GGT1: variants seen among roughly 807,000 people sequenced by gnomAD.
GGT1 encodes the protein gamma-glutamyltransferase 1, also known as glutathione hydrolase 1 proenzyme.
Under a neutral mutation model 56.0 loss-of-function variants are expected in GGT1, and 21 were observed. The ratio of observed to expected loss-of-function variants is 0.38; its 90% CI spans 0.27 to 0.54. The LOEUF (loss-of-function observed/expected upper bound fraction) is 0.54, where lower values mean the gene tolerates loss of function less well. Among genes scored for constraint, GGT1 ranks in the 20% least tolerant of loss-of-function variants. The pLI is 0.82. For missense variants in GGT1, 466 were observed against 787.0 expected (o/e 0.59, Z 4.88); for synonymous variants, 238 against 342.6 (o/e 0.69, Z 3.37).
chr22:24,598,994 T>C (rs2045739785), upstream of GGT1, among the ~76,000 whole-genome samples: 1 of 152,212 alleles, frequency 6.6e-6, no homozygotes, highest in Non-Finnish European at 1.5e-5. Context: ...CTTGAACTCC[T>C]AGTCTCAAGT....
In GGT1 at chr22:24,620,815, C is replaced by T; in HGVS notation, c.576-98C>T. 1 of 1,524,898 alleles carries T rather than the reference C, an allele frequency of 6.6e-7. No homozygotes were observed. The highest frequency in any genetic ancestry group is 8.8e-7 in the Non-Finnish European group (1 of 1,132,002). The allele number at this position is 1,524,898 out of a possible 1,614,324, so 94.5% of individuals were successfully genotyped here. On this transcript the variant is annotated intron_variant, in intron 8 of 15. Coordinates refer to ENST00000400382, the MANE Select transcript of GGT1 (RefSeq NM_001288833.2). This position sits in a 1 kb window ranked among gnomAD's most constrained non-coding sequence, Gnocchi z 5.6. ...GGCCACCCACCTGTGACAGGCGCTGCCCCTGTTCTGCTCCGTTCTCCTGTG... is the reference window on the plus strand; with the variant it reads ...GGCCACCCACCTGTGACAGGCGCTGTCCCTGTTCTGCTCCGTTCTCCTGTG...
chr22:24,615,067 G>C lies in GGT1; in HGVS notation c.322G>C (p.Glu108Gln). 6.2e-7 allele frequency: 1 copy of C among 1,612,208 alleles called. No individual in the cohort carries two copies. Among genetic ancestry groups the C allele is most frequent in the Non-Finnish European group, 8.5e-7 (1 of 1,179,756 alleles). ...TRKAEVINAR[E>Q]VAPRLAFATM... ...AAAAGCTGAGGTCATCAACGCCCGCGAGGTGGCCCCCAGGCTGGCCTTTGC... is the reference window on the plus strand; with the variant it reads ...AAAAGCTGAGGTCATCAACGCCCGCCAGGTGGCCCCCAGGCTGGCCTTTGC... Residue 108 changes from glutamate (E) to glutamine (Q), a missense_variant, in exon 7 of 16, where the codon GAG becomes CAG. Coordinates refer to ENST00000400382, the MANE Select transcript of GGT1 (RefSeq NM_001288833.2).
At chr22:24,585,093 G>T in the GGT1 span, among the ~76,000 whole-genome samples, 1 of 152,150 alleles carries the variant, frequency 6.6e-6, no homozygotes, top group East Asian at 1.9e-4. Context: ...TTTGTCTCTG[G>T]CTTGCTGTCT....
intron 1 of GGT1, among the ~76,000 whole-genome samples, chr22:24,605,330 ATATAATATGTATTATATAT>A (rs2046071779): frequency 3.4e-5 from 2 of 59,390 alleles, no homozygotes; most frequent in East Asian, 9.7e-4. Context: ...ATTATATATT[ATATAATATGTATTATATAT>A]TATATAATAT....
chr22:24,616,251 TAAAA>T, intron 7 of GGT1, among the ~76,000 whole-genome samples: 1 of 151,818 alleles, frequency 6.6e-6, no homozygotes, highest in South Asian at 2.1e-4. Context: ...CTTTCTCTAC[TAAAA>T]GTACAATAAT....
At chr22:24,598,747 CTCTCTA>C (rs2045735867), upstream of GGT1, among the ~76,000 whole-genome samples, 1 of 152,056 alleles carries the variant, frequency 6.6e-6, no homozygotes, top group Non-Finnish European at 1.5e-5. Flanking sequence ...GAGATGGGGT[CTCTCTA>C]TTTTGCCCAG....
chr22:24,613,724 T>A (rs1431871805), intron 5 of GGT1, among the ~76,000 whole-genome samples: 1 of 146,540 alleles, frequency 6.8e-6, no homozygotes, highest in Non-Finnish European at 1.5e-5. Context: ...CACTCCAGCC[T>A]GGGCAACTGA....
intron 7 of GGT1, among the ~76,000 whole-genome samples, chr22:24,617,846 C>T (rs1295573933): frequency 2.0e-5 from 3 of 151,718 alleles, no homozygotes; most frequent in Admixed American, 6.6e-5. Context: ...AAGCAGACCA[C>T]CAGGAGAGAG....
chr22:24,594,638 C>T (rs1005386551), upstream of GGT1, among the ~76,000 whole-genome samples: 4 of 152,116 alleles, frequency 2.6e-5, no homozygotes, highest in Non-Finnish European at 4.4e-5. Context: ...ACCCCCTTCT[C>T]CCCTGGCACC....
chr22:24,588,372 T>G, the GGT1 span: 21 of 1,488,280 alleles, frequency 1.4e-5, no homozygotes, highest in Non-Finnish European at 2.0e-5. Flanking sequence ...GAGCCCCTCC[T>G]GCCCACCTCA....
the GGT1 span, among the ~76,000 whole-genome samples, chr22:24,588,054 C>G: frequency 2.6e-5 from 4 of 152,126 alleles, no homozygotes; most frequent in African/African-American, 9.7e-5. Flanking sequence ...TCTGCTACCA[C>G]GGGCCAGGCT....
At chr22:24,623,342 G>A (rs540978054) in intron 10 of GGT1, 86 bp downstream of exon 10, 31 of 1,370,696 alleles carry the variant, frequency 2.3e-5, no homozygotes, top group Admixed American at 1.2e-4. Flanking sequence ...ATCTCTGCTC[G>A]CCCCCCATGC....
chr22:24,592,780 C>A (rs2045610615), upstream of GGT1: 3 of 1,274,668 alleles, frequency 2.4e-6, no homozygotes, highest in South Asian at 5.6e-5. Context: ...GGCCCACAAC[C>A]CATAGCCCCG....
At chr22:24,588,929 G>C in the GGT1 span, 1 of 1,003,782 alleles carries the variant, frequency 1.0e-6, no homozygotes, top group Non-Finnish European at 1.2e-6. Flanking sequence ...AATCCGAGGT[G>C]CGCGGCCCAC....
At chr22:24,597,242 C>T (rs1410690868) in intron 1 of GGT1, among the ~76,000 whole-genome samples, 1 of 152,132 alleles carries the variant, frequency 6.6e-6, no homozygotes, top group Non-Finnish European at 1.5e-5. Context: ...GTCAGCCTCC[C>T]AGTGTTGGGA....
intron 1 of GGT1, among the ~76,000 whole-genome samples, chr22:24,606,031 A>C (rs2046287815): frequency 2.0e-5 from 1 of 49,292 alleles, no homozygotes; most frequent in Non-Finnish European, 3.9e-5. Context: ...TATTTATATA[A>C]TTTATATAAT....
chr22:24,608,101 GT>G (rs2046435093), intron 2 of GGT1, 78 bp downstream of exon 2: 1 of 445,738 alleles, frequency 2.2e-6, no homozygotes, highest in Non-Finnish European at 4.6e-6. Context: ...TCTAGCCTCA[GT>G]TTCCCCTAGT....
At chr22:24,611,768 CA>C (rs1034445445) in intron 5 of GGT1, among the ~76,000 whole-genome samples, 1 of 138,826 alleles carries the variant, frequency 7.2e-6, no homozygotes, top group Non-Finnish European at 1.6e-5. Context: ...CCACGCCCAA[CA>C]AATTTGTGTG....
In GGT1 at chr22:24,615,025, C is replaced by A. The variant is rs755519106; in HGVS notation, c.296-16C>A. ...GGTTTGGGTGGGCGGGCCTGCCTACCTGCTTCTCCTTCTAGGAAAAGCTGA... is the reference window on the plus strand; with the variant it reads ...GGTTTGGGTGGGCGGGCCTGCCTACATGCTTCTCCTTCTAGGAAAAGCTGA... On this transcript the variant is annotated splice_polypyrimidine_tract_variant and intron_variant, in intron 6 of 15. Coordinates refer to ENST00000400382, the MANE Select transcript of GGT1 (RefSeq NM_001288833.2). 1 of 1,609,016 alleles carries A rather than the reference C, an allele frequency of 6.2e-7. No individual in the cohort carries two copies. Among genetic ancestry groups the A allele is most frequent in the Non-Finnish European group, 8.5e-7 (1 of 1,176,996 alleles).
Sources: gnomAD v4.1 joint callset for allele counts (sites outside exome capture counted in the v4.1 genomes callset) on GRCh38, gnomAD v4.1.1 for gene constraint, Gnocchi (gnomAD v3.1) non-coding constraint, MANE v1.5 for transcripts, NCBI Gene and HGNC (gene_info 2026-07-23, HGNC 2026-07-21) for gene names.